The following WAPL variants were observed in gnomAD, a reference collection of about 807,000 sequenced individuals.
WAPL encodes the protein wings apart-like protein homolog.
WAPL carries 5 observed loss-of-function variants against 121.0 expected under a neutral mutation model. The observed-to-expected ratio is 0.04, with a 90% CI of 0.02 to 0.09. The LOEUF is 0.09. Ranked by LOEUF, WAPL falls within the 10% of genes least tolerant of loss-of-function variation. The pLI, the probability that WAPL is intolerant of heterozygous loss-of-function variation, is 1.00. For missense variants in WAPL, 999 were observed against 1,410.8 expected (o/e 0.71, Z 4.68); for synonymous variants, 480 against 481.5 (o/e 1.00, Z 0.04).
At position 86,521,599 on chromosome 10, in the gene WAPL, C is replaced by T. The variant is rs932902471; in HGVS notation, c.-257G>A. Reference sequence around the variant, plus strand: ...CCGCCGGCCGGGCCCAGGCCTAGCTCTCGCTGGCCGCCACTGCTGGAGCTG... The same window carrying T: ...CCGCCGGCCGGGCCCAGGCCTAGCTTTCGCTGGCCGCCACTGCTGGAGCTG... On this transcript the variant is annotated 5_prime_UTR_variant, in exon 1 of 19. Coordinates refer to ENST00000298767, the MANE Select transcript of WAPL (RefSeq NM_015045.5). 6.6e-6 allele frequency: 3 copies of T among 453,346 alleles called. No individual in the cohort carries two copies. Among genetic ancestry groups the T allele is most frequent in the African/African-American group, 2.1e-5 (1 of 47,246 alleles). The allele number at this position is 453,346 out of a possible 1,614,324, so 28.1% of individuals were successfully genotyped here. A position where few individuals can be genotyped will look rare whatever the true frequency, so the allele number is the denominator to read the frequency against.
At chr10:86,453,557 TA>T in intron 13 of WAPL, 98 bp downstream of exon 13, 2 of 1,390,694 alleles carry the variant, frequency 1.4e-6, no homozygotes, top group Non-Finnish European at 1.9e-6. Flanking sequence ...TTATGACAAA[TA>T]AAAAAATCAC....
chr10:86,459,561 C>T (rs1841223530), intron 11 of WAPL, among the ~76,000 whole-genome samples: 1 of 152,150 alleles, frequency 6.6e-6, no homozygotes, highest in Non-Finnish European at 1.5e-5. Context: ...AATTAGCTGG[C>T]AGTATAAATT....
At chr10:86,470,568 C>T (rs1459743295) in intron 8 of WAPL, among the ~76,000 whole-genome samples, 1 of 152,146 alleles carries the variant, frequency 6.6e-6, no homozygotes, top group Non-Finnish European at 1.5e-5. Context: ...CACAATGAGG[C>T]CATGTTCCAG....
chr10:86,501,743 A>G (rs1332530132), intron 2 of WAPL, among the ~76,000 whole-genome samples: 1 of 152,186 alleles, frequency 6.6e-6, no homozygotes, highest in Non-Finnish European at 1.5e-5. Flanking sequence ...TGGTGTGATC[A>G]CAGCTCACTG....
At position 86,500,339 on chromosome 10, in the gene WAPL, T is replaced by C. The variant is rs754167524; in HGVS notation, c.904A>G (p.Thr302Ala). The change falls in exon 3 of 19, where the codon ACG becomes GCG. Residue 302 changes from threonine to alanine, a missense_variant. Around this residue, in one of 7 missense-constraint regions of WAPL, gnomAD observed 531 missense variants for 563.1 expected, o/e 0.94. Transcript: ENST00000298767. ...TTTGATGCTCCTTGGGAGGATTTCG[T>C]TTTATTGGCCCTACAGTACGTCCTA... ...NCRTYCRANK[T>A]KSSQGASNFD... The C allele has an allele frequency of 1.9e-6, 3 of 1,614,080 alleles. No homozygotes were observed. Among genetic ancestry groups the C allele is most frequent in the Non-Finnish European group, 1.7e-6 (2 of 1,180,036 alleles).
chr10:86,450,852 A>G (rs1293189576), intron 15 of WAPL, among the ~76,000 whole-genome samples: 1 of 152,246 alleles, frequency 6.6e-6, no homozygotes, highest in East Asian at 1.9e-4. Flanking sequence ...TCTTATCTAT[A>G]GTCAACATTC....
intron 8 of WAPL, 55 bp downstream of exon 8, chr10:86,470,937 A>G: frequency 1.4e-6 from 2 of 1,401,814 alleles, no homozygotes; most frequent in Non-Finnish European, 1.0e-6. Flanking sequence ...TGATAGCCAA[A>G]TAGACTAGTA....
intron 8 of WAPL, among the ~76,000 whole-genome samples, chr10:86,468,634 C>T (rs1043024514): frequency 3.3e-5 from 5 of 152,008 alleles, no homozygotes; most frequent in African/African-American, 1.2e-4. Flanking sequence ...GTATATAAAC[C>T]CAGGATGCTG....
chr10:86,502,273 G>C (rs1842260906), intron 2 of WAPL, among the ~76,000 whole-genome samples: 1 of 152,110 alleles, frequency 6.6e-6, no homozygotes, highest in Non-Finnish European at 1.5e-5. Flanking sequence ...AAAAGAATGA[G>C]GCAGCTCTAC....
rs12244775 is a variant in WAPL at position 86,508,990 on chromosome 10, G to A, written c.500-8247C>T. Among the ~76,000 whole-genome samples, 352 of 151,894 alleles carry A rather than the reference G, an allele frequency of 2.3e-3. 1 individual carries two copies. Among genetic ancestry groups the A allele is most frequent in the African/African-American group, 8.1e-3 (336 of 41,402 alleles). Reference sequence around the variant, plus strand: ...GATCTCCTGACCTCGTGATCCGCCCGCCTCTGCCTCCCAAAGTGCTGGGAT... The same window carrying A: ...GATCTCCTGACCTCGTGATCCGCCCACCTCTGCCTCCCAAAGTGCTGGGAT... On this transcript the variant is annotated intron_variant, in intron 2 of 18. Coordinates refer to ENST00000298767, the MANE Select transcript of WAPL (RefSeq NM_015045.5).
chr10:86,520,423 T>C (rs1349140141), intron 1 of WAPL, among the ~76,000 whole-genome samples: 5 of 152,192 alleles, frequency 3.3e-5, no homozygotes, highest in Non-Finnish European at 1.5e-5. Context: ...AGTGTATAGA[T>C]GAAATAAATT....
At chr10:86,490,198 A>G (rs1842015790) in intron 4 of WAPL, among the ~76,000 whole-genome samples, 1 of 151,314 alleles carries the variant, frequency 6.6e-6, no homozygotes, top group Non-Finnish European at 1.5e-5. Flanking sequence ...TGGGGGACAG[A>G]GTGAGACTCC....
chr10:86,517,537 C>T, intron 2 of WAPL, 34 bp downstream of exon 2: 1 of 1,566,232 alleles, frequency 6.4e-7, no homozygotes, highest in South Asian at 1.2e-5. Context: ...GCACAAAGCT[C>T]TCTTGGCGGA....
At chr10:86,502,751 C>T (rs766733312) in intron 2 of WAPL, among the ~76,000 whole-genome samples, 23 of 152,160 alleles carry the variant, frequency 1.5e-4, no homozygotes, top group Non-Finnish European at 3.2e-4. Context: ...GAAAAAAAGG[C>T]CCAGAGGGGC....
At chr10:86,515,863 C>CGT (rs1192639590) in intron 2 of WAPL, among the ~76,000 whole-genome samples, 2 of 50,292 alleles carry the variant, frequency 4.0e-5, no homozygotes, top group Non-Finnish European at 7.2e-5. Flanking sequence ...GCTGTCTATG[C>CGT]CTTTTTTTTT....
intron 2 of WAPL, among the ~76,000 whole-genome samples, chr10:86,510,455 G>T (rs1842440004): frequency 6.6e-6 from 1 of 152,196 alleles, no homozygotes; most frequent in Non-Finnish European, 1.5e-5. Flanking sequence ...GTGTTGTCAT[G>T]TTAGAAGCTA....
intron 4 of WAPL, among the ~76,000 whole-genome samples, chr10:86,484,349 C>A (rs886688570): frequency 6.6e-6 from 1 of 151,932 alleles, no homozygotes; most frequent in Admixed American, 6.6e-5. Context: ...TACAAGATCA[C>A]CAGGGTGTGG....
intron 16 of WAPL, among the ~76,000 whole-genome samples, chr10:86,444,892 CAAAAAA>C (rs35307250): frequency 2.9e-5 from 2 of 68,192 alleles, no homozygotes; most frequent in Non-Finnish European, 5.6e-5. Flanking sequence ...GTTATTACGC[CAAAAAA>C]AAAAAAAAAA....
chr10:86,451,912 T>G, intron 15 of WAPL, 55 bp downstream of exon 15: 1 of 1,589,416 alleles, frequency 6.3e-7, no homozygotes, highest in Non-Finnish European at 8.6e-7. Context: ...ATAAAAGAAA[T>G]TGGACAAATC....
Sources: allele counts gnomAD v4.1 joint callset (sites outside exome capture counted in the v4.1 genomes callset), GRCh38; gene constraint gnomAD v4.1.1; regional missense constraint gnomAD v4.1.1; transcripts MANE v1.5; gene names NCBI Gene and HGNC (gene_info 2026-07-23, HGNC 2026-07-21).